FANK1: variants seen among roughly 807,000 people sequenced by gnomAD.
FANK1 encodes the protein fibronectin type 3 and ankyrin repeat domains protein 1.
Under a neutral mutation model 45.3 loss-of-function variants are expected in FANK1, and 44 were observed. That is an observed-to-expected ratio of 0.97 (90% CI 0.76 to 1.25). The LOEUF (loss-of-function observed/expected upper bound fraction) is 1.25, where lower values mean the gene tolerates loss of function less well. Among genes scored for constraint, FANK1 ranks in the 50% most tolerant of loss-of-function variants. The pLI is 0.00. For missense variants in FANK1, 391 were observed against 424.4 expected, an observed-to-expected ratio of 0.92 and a Z score of 0.69; for synonymous variants, 149 against 152.5, an observed-to-expected ratio of 0.98 and a Z score of 0.17.
At chr10:125,978,643 T>C (rs958431186) in intron 1 of FANK1, among the ~76,000 whole-genome samples, 4 of 152,252 alleles carry the variant, frequency 2.6e-5, no homozygotes, top group African/African-American at 9.6e-5. Context: ...GGATCCCTTC[T>C]GCCCTGTGTT....
At chr10:125,976,795 G>C (rs187707668) in intron 1 of FANK1, among the ~76,000 whole-genome samples, 25 of 152,092 alleles carry the variant, frequency 1.6e-4, no homozygotes, top group African/African-American at 5.3e-4. Flanking sequence ...GCTAATTTTT[G>C]TATTTTTAGT....
chr10:125,911,226 C>T (rs1048777429), intron 1 of FANK1, among the ~76,000 whole-genome samples: 13 of 151,960 alleles, frequency 8.6e-5, no homozygotes, highest in Admixed American at 2.0e-4. Context: ...TCAGGCAATA[C>T]GAAGATGGAA....
At chr10:125,943,075 G>A (rs1564895904) in intron 1 of FANK1, among the ~76,000 whole-genome samples, 1 of 152,122 alleles carries the variant, frequency 6.6e-6, no homozygotes, top group Non-Finnish European at 1.5e-5. Context: ...GCTTCCCAAA[G>A]TGCTAGGATT....
chr10:125,963,100 C>T (rs1433165597), intron 1 of FANK1, among the ~76,000 whole-genome samples: 1 of 151,720 alleles, frequency 6.6e-6, no homozygotes, highest in Non-Finnish European at 1.5e-5. Flanking sequence ...GATTCTGCCT[C>T]AGCCTCCTGA....
chr10:125,902,228 T>G (rs1213756442), intron 1 of FANK1, among the ~76,000 whole-genome samples: 8 of 152,166 alleles, frequency 5.3e-5, no homozygotes, highest in South Asian at 2.1e-4. Flanking sequence ...AACCTGCACA[T>G]TGTGCACATG....
At chr10:125,968,194 G>A (rs7068795) in intron 1 of FANK1, among the ~76,000 whole-genome samples, 2,426 of 152,060 alleles carry the variant, frequency 0.016, 69 homozygotes, top group East Asian at 0.1. Context: ...CTGGCCTCAT[G>A]TGATCCTCTC....
intron 4 of FANK1, 85 bp from the exon 5 acceptor site, chr10:125,996,465 C>A: frequency 8.2e-7 from 1 of 1,224,950 alleles, no homozygotes; most frequent in Non-Finnish European, 1.2e-6. Context: ...TCATTTTACC[C>A]ACCTAAGCCC....
At chr10:125,928,301 T>G (rs1350657124) in intron 1 of FANK1, among the ~76,000 whole-genome samples, 2 of 150,996 alleles carry the variant, frequency 1.3e-5, no homozygotes, top group African/African-American at 4.9e-5. Flanking sequence ...AGGGTAAATT[T>G]CTGATATTGC....
At chr10:125,907,772 A>G (rs1404233273) in intron 1 of FANK1, among the ~76,000 whole-genome samples, 1 of 152,174 alleles carries the variant, frequency 6.6e-6, no homozygotes, top group East Asian at 1.9e-4. Flanking sequence ...GGTGGTGTCT[A>G]GGACCTGAGG....
chr10:125,965,049 T>C (rs1950132801), intron 1 of FANK1, among the ~76,000 whole-genome samples: 1 of 152,070 alleles, frequency 6.6e-6, no homozygotes, highest in Admixed American at 6.6e-5. Flanking sequence ...TCCCAGCTAC[T>C]TGGGAGGCTG....
intron 1 of FANK1, among the ~76,000 whole-genome samples, chr10:125,964,777 A>G (rs1950120005): frequency 6.6e-6 from 1 of 152,110 alleles, no homozygotes; most frequent in Non-Finnish European, 1.5e-5. Flanking sequence ...AGAATGCACA[A>G]CCTCAACTTA....
intron 1 of FANK1, among the ~76,000 whole-genome samples, chr10:125,970,553 C>T (rs1001687082): frequency 6.6e-6 from 1 of 152,242 alleles, no homozygotes; most frequent in Non-Finnish European, 1.5e-5. Context: ...GAGACTCCGT[C>T]TGCAATCCCG....
At chr10:125,941,783 A>G (rs1948468885) in intron 1 of FANK1, among the ~76,000 whole-genome samples, 1 of 152,270 alleles carries the variant, frequency 6.6e-6, no homozygotes. Context: ...ACAAGTCTCA[A>G]AATCATACCA....
At chr10:125,956,211 G>T (rs540626345) in intron 1 of FANK1, among the ~76,000 whole-genome samples, 2 of 139,214 alleles carry the variant, frequency 1.4e-5, no homozygotes, top group African/African-American at 2.6e-5. Context: ...TTGGGGGGGG[G>T]GCGGTGGTGG....
intron 1 of FANK1, among the ~76,000 whole-genome samples, chr10:125,915,694 G>A (rs927247594): frequency 6.6e-6 from 1 of 152,226 alleles, no homozygotes; most frequent in South Asian, 2.1e-4. Flanking sequence ...TGAGCCTGTA[G>A]TCCCAGCTAC....
At chr10:125,979,489 G>A (rs1951062150) in intron 1 of FANK1, among the ~76,000 whole-genome samples, 1 of 152,086 alleles carries the variant, frequency 6.6e-6, no homozygotes, top group African/African-American at 2.4e-5. Flanking sequence ...ACTACAACTG[G>A]CACATGAGAA....
intron 1 of FANK1, among the ~76,000 whole-genome samples, chr10:125,938,578 G>A (rs1003954320): frequency 1.5e-4 from 23 of 152,184 alleles, no homozygotes; most frequent in African/African-American, 5.5e-4. Flanking sequence ...GGAGGCCGAG[G>A]TGGGCGGATC....
intron 1 of FANK1, among the ~76,000 whole-genome samples, chr10:125,967,633 T>C (rs1046743238): frequency 3.9e-5 from 6 of 152,212 alleles, no homozygotes; most frequent in Non-Finnish European, 5.9e-5. Flanking sequence ...AGACAGGGTC[T>C]CATTCTGTAG....
At chr10:125,933,881 G>A (rs758719209) in intron 1 of FANK1, among the ~76,000 whole-genome samples, 2 of 152,024 alleles carry the variant, frequency 1.3e-5, no homozygotes, top group Non-Finnish European at 2.9e-5. Flanking sequence ...TCTTGTTTTC[G>A]TTTTTGACCC....
Sources: gnomAD v4.1 joint callset for allele counts (sites outside exome capture counted in the v4.1 genomes callset) on GRCh38, gnomAD v4.1.1 for gene constraint, MANE v1.5 for transcripts, NCBI Gene and HGNC (gene_info 2026-07-23, HGNC 2026-07-21) for gene names.